DNAH10: variants seen among roughly 807,000 people sequenced by gnomAD.
DNAH10 encodes the protein axonemal beta dynein heavy chain 10.
DNAH10 carries 348 observed loss-of-function variants against 506.6 expected under a neutral mutation model. That is an observed-to-expected ratio of 0.69 (90% CI 0.63 to 0.75). DNAH10 has a LOEUF of 0.75. DNAH10 is among the 30% of genes least tolerant of loss of function. The probability of loss-of-function intolerance (pLI) is 0.00; values close to 1 mark genes in which losing one functional copy is unlikely to be tolerated. For missense variants in DNAH10, 5,179 were observed against 5,787.1 expected (o/e 0.89, Z 3.41); for synonymous variants, 2,059 against 2,198.6 (o/e 0.94, Z 1.78).
intron 25 of DNAH10, among the ~76,000 whole-genome samples, chr12:123,828,327 A>G (rs1443336675): frequency 6.6e-6 from 1 of 152,208 alleles, no homozygotes; most frequent in African/African-American, 2.4e-5. Flanking sequence ...GTGGCTTGCC[A>G]GTCAAAACAG....
chr12:123,864,505 A>G, intron 39 of DNAH10, 90 bp from the exon 40 acceptor site: 2 of 1,496,464 alleles, frequency 1.3e-6, no homozygotes, highest in South Asian at 2.8e-5. Context: ...CCTGGGAAAA[A>G]GACATTCAAC....
In DNAH10 at chr12:123,910,593, G is replaced by C; in HGVS notation, c.10055G>C (p.Gly3352Ala). The C allele has an allele frequency of 6.2e-7, 1 of 1,613,772 alleles. No individual in the cohort carries two copies. The highest frequency in any genetic ancestry group is 8.5e-7 in the Non-Finnish European group (1 of 1,179,864). The change falls in exon 59 of 79, where the codon GGG becomes GCG. Residue 3352 changes from glycine to alanine, a missense_variant. Around this residue, in one of 3 missense-constraint regions of DNAH10, gnomAD observed 4,844 missense variants for 5,430.5 expected, o/e 0.89. Coordinates refer to ENST00000673944, the MANE Select transcript of DNAH10 (RefSeq NM_001372106.1). ...TEEMEAVSKA[G>A]LGMLKFVEAV... ...GAAATGGAAGCTGTCAGCAAAGCCG[G>C]GCTGGGGATGCTGAAATTTGTTGAA...
In DNAH10 at chr12:123,933,505, G is replaced by C; in HGVS notation, c.13471G>C (p.Gly4491Arg). 1 of 1,599,522 alleles carries C rather than the reference G, an allele frequency of 6.3e-7. No homozygotes were observed. The change falls in exon 77 of 79, where the codon GGA becomes CGA. Residue 4491 changes from glycine to arginine, a missense_variant. Coordinates refer to ENST00000673944, the MANE Select transcript of DNAH10 (RefSeq NM_001372106.1). ...QDADEVNERA[G>R]QGCFVSGLYL... ...TGCAGATGAAGTGAATGAGCGGGCG[G>C]GACAAGGTACCGTCAGCTCGTTAGG...
At chr12:123,921,711 T>G (rs1413684201) in intron 65 of DNAH10, among the ~76,000 whole-genome samples, 3 of 125,696 alleles carry the variant, frequency 2.4e-5, no homozygotes, top group East Asian at 2.3e-4. Context: ...TTTTTTTTTT[T>G]TTTTTTTTTT....
chr12:123,876,971 A>G (rs1352492369), intron 47 of DNAH10, among the ~76,000 whole-genome samples: 7 of 152,230 alleles, frequency 4.6e-5, no homozygotes, highest in Non-Finnish European at 8.8e-5. Flanking sequence ...AAAAAAATTC[A>G]CATAACACAA....
chr12:123,877,626 C>A, intron 47 of DNAH10, 110 bp from the exon 48 acceptor site: 1 of 1,399,412 alleles, frequency 7.1e-7, no homozygotes, highest in East Asian at 2.6e-5. Flanking sequence ...AACTTCATTC[C>A]TTTCTATAGC....
chr12:123,849,137 G>C (rs945239295), intron 34 of DNAH10, among the ~76,000 whole-genome samples: 1 of 152,190 alleles, frequency 6.6e-6, no homozygotes, highest in East Asian at 1.9e-4. Context: ...GCGTGGGGCA[G>C]AGTTCTCAAA....
In DNAH10 at chr12:123,785,493, G is replaced by A. The variant is rs572839907; in HGVS notation, c.1231-253G>A. ...CAAAAATAAAAATAAAAAATTAGCC[G>A]GTGTAGTGGTGCATGCCTGTATTCT... On this transcript the variant is annotated intron_variant, in intron 8 of 78. Transcript: ENST00000673944. This position sits in a 1 kb window ranked among gnomAD's most constrained non-coding sequence, Gnocchi z 4.1. Among the ~76,000 whole-genome samples, 250 of 152,148 alleles carry A rather than the reference G, an allele frequency of 1.6e-3. No homozygotes were observed. The highest frequency in any genetic ancestry group is 5.6e-3 in the African/African-American group (231 of 41,524).
intron 53 of DNAH10, 105 bp from the exon 54 acceptor site, chr12:123,894,538 G>A: frequency 3.9e-6 from 4 of 1,027,574 alleles, no homozygotes; most frequent in South Asian, 1.4e-5. Flanking sequence ...GATTACAGGT[G>A]TGAGCCACCA....
chr12:123,861,191 G>A, intron 39 of DNAH10, 21 bp downstream of exon 39: 1 of 1,612,326 alleles, frequency 6.2e-7, no homozygotes, highest in South Asian at 1.1e-5. Context: ...TTGTAGGTAG[G>A]AAAGAGCCTG....
At chr12:123,854,600 G>C (rs752771614) in intron 36 of DNAH10, among the ~76,000 whole-genome samples, 2 of 152,176 alleles carry the variant, frequency 1.3e-5, no homozygotes, top group Non-Finnish European at 2.9e-5. Flanking sequence ...GTAAAAAACA[G>C]CCTCCTTTTC....
intron 42 of DNAH10, 143 bp from the exon 43 acceptor site, chr12:123,867,760 T>C: frequency 7.6e-7 from 1 of 1,323,664 alleles, no homozygotes; most frequent in South Asian, 1.5e-5. Context: ...CAAGTCAAGA[T>C]ACTGGGTTCC....
rs1483219764 is a variant in DNAH10, at chr12:123,848,840, G to T, written c.6060G>T (p.Gln2020His). The T allele has an allele frequency of 6.2e-7, 1 of 1,613,922 alleles. No homozygotes were observed. Among genetic ancestry groups the T allele is most frequent in the Non-Finnish European group, 8.5e-7 (1 of 1,179,880 alleles). The change falls in exon 34 of 79, where the codon CAG (glutamine) becomes CAT (histidine). Residue 2020 changes from glutamine to histidine, a missense_variant. Physicochemically the swap from Gln to His is conservative, Grantham distance 24. Transcript: ENST00000673944. ...SVLSVISSQIQTIRNALIHQL... is the reference protein window; with the variant it reads ...SVLSVISSQIHTIRNALIHQL... ...TCTCCGTGATCTCCTCCCAGATCCA[G>T]ACGATCCGAAATGCTCTGATCCATC... is the stretch of plus-strand genomic sequence containing the variant.
Position 123,789,989 on chromosome 12 carries a change from G to A in DNAH10, c.1683G>A (p.Lys561=), listed in dbSNP as rs1456366125. The A allele has an allele frequency of 6.2e-7, 1 of 1,614,046 alleles. No homozygotes were observed. Among genetic ancestry groups the A allele is most frequent in the East Asian group, 2.2e-5 (1 of 44,896 alleles). The part of the protein sequence containing the change: ...PELKAVTGDP[K]RIDDVLCRVD... ...TAAAGGCAGTGACGGGGGACCCCAA[G>A]CGCATTGATGATGTCCTATGCAGAG... is the stretch of plus-strand genomic sequence containing the variant. The change falls in exon 11 of 79, where the codon AAG becomes AAA. Residue 561 remains lysine, a synonymous_variant. Coordinates refer to ENST00000673944, the MANE Select transcript of DNAH10 (RefSeq NM_001372106.1).
chr12:123,819,973 G>A (rs949755775), intron 23 of DNAH10, among the ~76,000 whole-genome samples: 3 of 152,092 alleles, frequency 2.0e-5, no homozygotes, highest in African/African-American at 7.2e-5. Context: ...CCAAAGTGCT[G>A]GGATTACAGG....
chr12:123,805,335 C>T (rs1316267271), intron 18 of DNAH10, among the ~76,000 whole-genome samples: 1 of 152,184 alleles, frequency 6.6e-6, no homozygotes, highest in Non-Finnish European at 1.5e-5. Context: ...GGCTAGAATC[C>T]CAGAGGACTT....
Position 123,833,311 on chromosome 12 carries a change from G to A in DNAH10, c.4743G>A (p.Trp1581Ter). Residue 1581 changes from tryptophan (W) to a stop codon, truncating the protein, a stop_gained, in exon 27 of 79, where the codon TGG becomes TGA. Coordinates refer to ENST00000673944, the MANE Select transcript of DNAH10 (RefSeq NM_001372106.1). LOFTEE classifies it high-confidence loss of function. ...CTTTTCTGCAAACTGTTCACAAATGGGAAAAAACGCTTTCTCTAATAGGGG... is the reference window on the plus strand; with the variant it reads ...CTTTTCTGCAAACTGTTCACAAATGAGAAAAAACGCTTTCTCTAATAGGGG... ...VGPFLQTVHKWEKTLSLIGEV... is the reference protein window; with the variant it reads ...VGPFLQTVHK 1 of 1,613,112 alleles carries A rather than the reference G, an allele frequency of 6.2e-7. No individual in the cohort carries two copies. Among genetic ancestry groups the A allele is most frequent in the African/African-American group, 1.3e-5 (1 of 74,986 alleles).
chr12:123,791,998 G>A (rs1015240836), intron 11 of DNAH10, among the ~76,000 whole-genome samples: 3 of 152,052 alleles, frequency 2.0e-5, no homozygotes, highest in Non-Finnish European at 2.9e-5. Flanking sequence ...AGAACAAGCC[G>A]ATGTGGTTAT....
At chr12:123,790,931 C>G (rs557108098) in intron 11 of DNAH10, among the ~76,000 whole-genome samples, 1 of 152,174 alleles carries the variant, frequency 6.6e-6, no homozygotes, top group African/African-American at 2.4e-5. Flanking sequence ...TTGAGACCAG[C>G]CTGGGCAACC....
Sources: allele counts gnomAD v4.1 joint callset (sites outside exome capture counted in the v4.1 genomes callset), GRCh38; gene constraint gnomAD v4.1.1; regional missense constraint gnomAD v4.1.1; non-coding constraint Gnocchi (gnomAD v3.1); transcripts MANE v1.5; gene names NCBI Gene and HGNC (gene_info 2026-07-23, HGNC 2026-07-21).